The following PPFIA2 variants were observed in gnomAD, a reference collection of about 807,000 sequenced individuals.
PPFIA2 encodes the protein liprin-alpha-2.
PPFIA2 carries 46 observed loss-of-function variants against 175.5 expected under a neutral mutation model. The ratio of observed to expected loss-of-function variants is 0.26; its 90% CI spans 0.21 to 0.34. The LOEUF is 0.34. Ranked by LOEUF, PPFIA2 falls within the 10% of genes least tolerant of loss-of-function variation. PPFIA2 has a pLI of 1.00. For missense variants in PPFIA2, 1,179 were observed against 1,506.1 expected, an observed-to-expected ratio of 0.78 and a Z score of 3.60; for synonymous variants, 568 against 511.4, an observed-to-expected ratio of 1.11 and a Z score of -1.49.
At chr12:81,468,670 A>T (rs908090399) in intron 4 of PPFIA2, among the ~76,000 whole-genome samples, 1 of 152,244 alleles carries the variant, frequency 6.6e-6, no homozygotes, top group African/African-American at 2.4e-5. Flanking sequence ...GCAATCAGTT[A>T]TAATTATATA....
At chr12:81,439,606 A>C (rs2049781847) in intron 7 of PPFIA2, among the ~76,000 whole-genome samples, 1 of 152,178 alleles carries the variant, frequency 6.6e-6, no homozygotes, top group Admixed American at 6.5e-5. Flanking sequence ...TATCTCTCCA[A>C]GGAGTTCACT....
At chr12:81,319,128 G>C (rs549613627) in intron 22 of PPFIA2, among the ~76,000 whole-genome samples, 7 of 151,736 alleles carry the variant, frequency 4.6e-5, no homozygotes, top group African/African-American at 1.7e-4. Flanking sequence ...AAATTATGGA[G>C]CCAGCACAGG....
At chr12:81,746,371 G>A (rs371288923) in intron 3 of PPFIA2, among the ~76,000 whole-genome samples, 1 of 143,532 alleles carries the variant, frequency 7.0e-6, no homozygotes, top group Non-Finnish European at 1.6e-5. Flanking sequence ...TTGGAGAAGC[G>A]CAGTGTCAAA....
chr12:81,275,625 C>T (rs2040313575), intron 28 of PPFIA2, among the ~76,000 whole-genome samples: 1 of 152,074 alleles, frequency 6.6e-6, no homozygotes, highest in South Asian at 2.1e-4. Context: ...TACCCTTGAA[C>T]CATTAATGTA....
At chr12:81,341,954 G>T (rs1477937113) in intron 19 of PPFIA2, among the ~76,000 whole-genome samples, 1 of 151,904 alleles carries the variant, frequency 6.6e-6, no homozygotes, top group Non-Finnish European at 1.5e-5. Context: ...TTATTACAGG[G>T]TATTTAAAAT....
chr12:81,318,170 T>C (rs1316721940), intron 22 of PPFIA2, among the ~76,000 whole-genome samples: 1 of 151,718 alleles, frequency 6.6e-6, no homozygotes, highest in Non-Finnish European at 1.5e-5. Flanking sequence ...TTCCTATTTC[T>C]ACCAGTCTTT....
At chr12:81,632,423 T>C (rs1473280878) in intron 4 of PPFIA2, among the ~76,000 whole-genome samples, 1 of 152,118 alleles carries the variant, frequency 6.6e-6, no homozygotes, top group Non-Finnish European at 1.5e-5. Context: ...ATATATGTTG[T>C]AGATATTGAG....
chr12:81,424,677 A>G (rs1434143414), intron 7 of PPFIA2, among the ~76,000 whole-genome samples: 1 of 152,144 alleles, frequency 6.6e-6, no homozygotes, highest in East Asian at 1.9e-4. Flanking sequence ...GTGATGTGAG[A>G]CCAAGTTTTC....
At chr12:81,422,023 G>C (rs1226390665) in intron 7 of PPFIA2, among the ~76,000 whole-genome samples, 1 of 149,988 alleles carries the variant, frequency 6.7e-6, no homozygotes, top group East Asian at 2.0e-4. Context: ...GAGGCAAGAA[G>C]GTGATTATAT....
chr12:81,607,365 A>C (rs552332367), intron 4 of PPFIA2, among the ~76,000 whole-genome samples: 1 of 152,224 alleles, frequency 6.6e-6, no homozygotes, highest in African/African-American at 2.4e-5. Flanking sequence ...TGATAGAAGT[A>C]GTTGAATCTG....
intron 22 of PPFIA2, among the ~76,000 whole-genome samples, chr12:81,315,026 A>C (rs2051960356): frequency 6.6e-6 from 1 of 151,826 alleles, no homozygotes; most frequent in African/African-American, 2.4e-5. Flanking sequence ...AGTTTTCTAC[A>C]ATAAGACAGA....
Position 81,283,030 on chromosome 12 carries a change from C to G in PPFIA2, c.2998G>C (p.Glu1000Gln). 2 of 1,611,998 alleles carry G rather than the reference C, an allele frequency of 1.2e-6. No individual in the cohort carries two copies. Among genetic ancestry groups the G allele is most frequent in the Non-Finnish European group, 1.7e-6 (2 of 1,178,612 alleles). Reference sequence around the variant, plus strand: ...CCTACCTGGGCCCAGCTTCCTTCCTCAGATTCTTTCTGTGTTAGCAGCAGG... The same window carrying G: ...CCTACCTGGGCCCAGCTTCCTTCCTGAGATTCTTTCTGTGTTAGCAGCAGG... ...LAAPAKTKES[E>Q]EGSWAQCPVF... Residue 1000 changes from glutamate (E) to glutamine (Q), a missense_variant, in exon 26 of 33, where the codon GAG (glutamate) becomes CAG (glutamine). Glu to Gln is a conservative substitution (Grantham distance 29). Coordinates refer to ENST00000549396, the MANE Select transcript of PPFIA2 (RefSeq NM_003625.5).
chr12:81,263,359 G>A lies in PPFIA2; in HGVS notation c.3587C>T (p.Thr1196Ile). 1 of 1,613,400 alleles carries A rather than the reference G, an allele frequency of 6.2e-7. No individual in the cohort carries two copies. The highest frequency in any genetic ancestry group is 8.5e-7 in the Non-Finnish European group (1 of 1,179,430). ...SDDKNFRRGSTWRRQFPPREV... is the reference protein window; with the variant it reads ...SDDKNFRRGSIWRRQFPPREV... ...ACGAGGAGGAAACTGCCTTCTCCAG[G>A]TTGATCCACGTCTGAAGTTCTTGTC... The change falls in exon 31 of 33, where the codon ACC becomes ATC. Residue 1196 changes from threonine (T) to isoleucine (I), a missense_variant. This residue lies in a region of PPFIA2 where 245 missense variants were observed against 375.1 expected (regional missense o/e 0.65). Transcript: ENST00000549396.
intron 7 of PPFIA2, among the ~76,000 whole-genome samples, chr12:81,407,377 G>A (rs985713998): frequency 4.0e-5 from 6 of 151,852 alleles, no homozygotes; most frequent in African/African-American, 7.3e-5. Context: ...CAGCTACTCA[G>A]GAGGCTGAGC....
At chr12:81,689,049 G>A (rs1057288411) in intron 3 of PPFIA2, among the ~76,000 whole-genome samples, 6 of 151,068 alleles carry the variant, frequency 4.0e-5, no homozygotes, top group African/African-American at 1.5e-4. Context: ...GTATTTTATG[G>A]TCATATATTA....
chr12:81,726,594 A>G (rs1175219239), intron 3 of PPFIA2, among the ~76,000 whole-genome samples: 1 of 151,338 alleles, frequency 6.6e-6, no homozygotes, highest in Non-Finnish European at 1.5e-5. Context: ...TGCTTCTGAG[A>G]AGTTTCTAAT....
chr12:81,597,835 A>G (rs1458163002), intron 4 of PPFIA2: 13 of 1,026,686 alleles, frequency 1.3e-5, no homozygotes, highest in Non-Finnish European at 1.7e-5. Flanking sequence ...TTCATTCCAT[A>G]CATTTTCTTC....
intron 11 of PPFIA2, 111 bp from the exon 12 acceptor site, chr12:81,369,305 T>C (rs1345872225): frequency 2.4e-5 from 37 of 1,526,018 alleles, no homozygotes; most frequent in Non-Finnish European, 2.9e-5. Flanking sequence ...GCAAACATAG[T>C]TTTTAAAAAA....
At chr12:81,639,840 G>C (rs1284915186) in intron 4 of PPFIA2, among the ~76,000 whole-genome samples, 1 of 152,090 alleles carries the variant, frequency 6.6e-6, no homozygotes, top group East Asian at 1.9e-4. Context: ...TGATAATCTA[G>C]ACAACCTCTG....
Sources: allele counts gnomAD v4.1 joint callset (sites outside exome capture counted in the v4.1 genomes callset), GRCh38; gene constraint gnomAD v4.1.1; regional missense constraint gnomAD v4.1.1; transcripts MANE v1.5; gene names NCBI Gene and HGNC (gene_info 2026-07-23, HGNC 2026-07-21).